SLC24A2: variants seen among roughly 807,000 people sequenced by gnomAD.
The protein encoded by SLC24A2 is solute carrier family 24 member 2.
In SLC24A2, 36 loss-of-function variants were observed where a neutral mutation model predicts 62.0. That is an observed-to-expected ratio of 0.58 (90% CI 0.44 to 0.77). The LOEUF is 0.77. SLC24A2 is among the 30% of genes least tolerant of loss of function. The probability of loss-of-function intolerance (pLI) is 0.00; values close to 1 mark genes in which losing one functional copy is unlikely to be tolerated. For synonymous variants in SLC24A2, 358 were observed against 294.0 expected (o/e 1.22, Z -2.23); for missense variants, 846 against 817.9 (o/e 1.03, Z -0.42).
At chr9:20,302,282 T>C in the SLC24A2 span, among the ~76,000 whole-genome samples, 1 of 152,204 alleles carries the variant, frequency 6.6e-6, no homozygotes, top group Non-Finnish European at 1.5e-5. Context: ...AGCATATTTT[T>C]AGTTTTGTAA....
the SLC24A2 span, among the ~76,000 whole-genome samples, chr9:19,897,738 T>A: frequency 6.6e-6 from 1 of 152,280 alleles, no homozygotes; most frequent in African/African-American, 2.4e-5. Context: ...GATCCTTATT[T>A]TAAAATGAGG....
At chr9:20,275,985 C>G in the SLC24A2 span, among the ~76,000 whole-genome samples, 1 of 152,122 alleles carries the variant, frequency 6.6e-6, no homozygotes, top group Non-Finnish European at 1.5e-5. Flanking sequence ...TCCCATGACA[C>G]GTGGGGATTA....
chr9:20,285,966 A>C, the SLC24A2 span, among the ~76,000 whole-genome samples: 1 of 152,194 alleles, frequency 6.6e-6, no homozygotes, highest in South Asian at 2.1e-4. Flanking sequence ...CAGAACTGTG[A>C]GAAATAAATT....
the SLC24A2 span, among the ~76,000 whole-genome samples, chr9:20,237,131 C>T: frequency 4.5e-4 from 68 of 152,332 alleles, no homozygotes; most frequent in Admixed American, 8.5e-4. Flanking sequence ...TGGCTATCTT[C>T]TGCTTCTTTG....
At chr9:19,832,995 C>T in the SLC24A2 span, among the ~76,000 whole-genome samples, 2 of 152,074 alleles carry the variant, frequency 1.3e-5, no homozygotes, top group Non-Finnish European at 2.9e-5. Flanking sequence ...AAAAAATGCT[C>T]ATCATCACTG....
intron 7 of SLC24A2, among the ~76,000 whole-genome samples, chr9:19,555,062 T>C (rs749585587): frequency 1.3e-5 from 2 of 152,182 alleles, no homozygotes; most frequent in Non-Finnish European, 2.9e-5. Flanking sequence ...AATGCAGGAC[T>C]TAACACTGGT....
chr9:19,990,507 A>G, the SLC24A2 span, among the ~76,000 whole-genome samples: 1 of 151,630 alleles, frequency 6.6e-6, no homozygotes, highest in Non-Finnish European at 1.5e-5. Context: ...GCTACTTGGG[A>G]GGATGAGGCA....
chr9:19,897,007 T>TGCCAACAGA, the SLC24A2 span, among the ~76,000 whole-genome samples: 338 of 152,240 alleles, frequency 2.2e-3, no homozygotes, highest in African/African-American at 7.8e-3. Context: ...TGAAATGTAT[T>TGCCAACAGA]GCCAACAGAG....
chr9:20,263,861 G>GCCCCACCC, the SLC24A2 span, among the ~76,000 whole-genome samples: 1 of 30,840 alleles, frequency 3.2e-5, no homozygotes, highest in Non-Finnish European at 6.8e-5. Flanking sequence ...TATCCCACCC[G>GCCCCACCC]CCCCCCCCCC....
the SLC24A2 span, among the ~76,000 whole-genome samples, chr9:20,104,219 C>G: frequency 6.6e-6 from 1 of 152,170 alleles, no homozygotes; most frequent in African/African-American, 2.4e-5. Flanking sequence ...AAATCTACAT[C>G]TGATTGGTGT....
chr9:20,041,800 C>T, the SLC24A2 span, among the ~76,000 whole-genome samples: 2 of 152,368 alleles, frequency 1.3e-5, no homozygotes, highest in Non-Finnish European at 2.9e-5. Context: ...GAAGCACATG[C>T]ACAGAAGGGC....
intron 2 of SLC24A2, among the ~76,000 whole-genome samples, chr9:19,639,122 CAACA>C (rs139904314): frequency 0.74 from 112,509 of 151,378 alleles, 41,887 homozygotes; most frequent in East Asian, 0.86. Context: ...TTTCCCCCAA[CAACA>C]ACAAAAATTC....
chr9:20,217,366 C>A, the SLC24A2 span, among the ~76,000 whole-genome samples: 1 of 152,138 alleles, frequency 6.6e-6, no homozygotes, highest in South Asian at 2.1e-4. Flanking sequence ...CTTCTGGTGT[C>A]CAGGTGATGT....
In SLC24A2 at chr9:19,521,080, T is replaced by G; in HGVS notation, c.1570-20A>C. 1 of 1,612,866 alleles carries G rather than the reference T, an allele frequency of 6.2e-7. No individual in the cohort carries two copies. The highest frequency in any genetic ancestry group is 8.5e-7 in the Non-Finnish European group (1 of 1,179,006). On this transcript the variant is annotated intron_variant, in intron 9 of 10. Coordinates refer to ENST00000341998, the MANE Select transcript of SLC24A2 (RefSeq NM_020344.4). ...TCCAACCTAAATGTCAGGACAGGAATAAACATCTCAGTGTTTGAAGTTACA... is the reference window on the plus strand; with the variant it reads ...TCCAACCTAAATGTCAGGACAGGAAGAAACATCTCAGTGTTTGAAGTTACA...
At chr9:19,714,003 A>C (rs761200486) in intron 2 of SLC24A2, among the ~76,000 whole-genome samples, 7 of 152,212 alleles carry the variant, frequency 4.6e-5, no homozygotes, top group Non-Finnish European at 1.0e-4. Context: ...CCAATTATTA[A>C]ATGAAGTTCC....
At chr9:20,097,854 T>C in the SLC24A2 span, among the ~76,000 whole-genome samples, 2 of 143,868 alleles carry the variant, frequency 1.4e-5, no homozygotes, top group African/African-American at 2.6e-5. Context: ...GCCATTCTCC[T>C]GCCTCAGACT....
chr9:19,885,242 T>A, the SLC24A2 span, among the ~76,000 whole-genome samples: 2 of 152,130 alleles, frequency 1.3e-5, no homozygotes, highest in Admixed American at 1.3e-4. Flanking sequence ...GCCAGATGCA[T>A]GCTAACGTGT....
intron 8 of SLC24A2, among the ~76,000 whole-genome samples, chr9:19,533,773 T>C (rs1210505247): frequency 2.6e-5 from 4 of 152,172 alleles, no homozygotes; most frequent in Non-Finnish European, 5.9e-5. Flanking sequence ...ATTAAGCCAC[T>C]AGGTTGGGGT....
At chr9:19,895,546 CTTTT>C in the SLC24A2 span, among the ~76,000 whole-genome samples, 1 of 135,330 alleles carries the variant, frequency 7.4e-6, no homozygotes, top group East Asian at 2.1e-4. Context: ...TTCTTTCTTT[CTTTT>C]TTTTTTTTTT....
Sources: allele counts gnomAD v4.1 joint callset (sites outside exome capture counted in the v4.1 genomes callset), GRCh38; gene constraint gnomAD v4.1.1; transcripts MANE v1.5; gene names NCBI Gene and HGNC (gene_info 2026-07-23, HGNC 2026-07-21).